Variants in DNM1 observed in about 807,000 individuals in gnomAD.
The protein encoded by DNM1 is dynamin 1.
DNM1 carries 29 observed loss-of-function variants against 104.6 expected under a neutral mutation model. The ratio of observed to expected loss-of-function variants is 0.28; its 90% CI spans 0.21 to 0.38. The LOEUF is 0.38. Among genes scored for constraint, DNM1 ranks in the 10% least tolerant of loss-of-function variants. The pLI is 1.00. For synonymous variants in DNM1, 445 were observed against 475.8 expected (o/e 0.94, Z 0.84); for missense variants, 640 against 1,189.4 (o/e 0.54, Z 6.79).
Position 128,218,886 on chromosome 9 carries a change from C to A in DNM1, c.385+155C>A. 7.7e-7 allele frequency: 1 copy of A among 1,292,932 alleles called. No individual in the cohort carries two copies. Among genetic ancestry groups the A allele is most frequent in the Non-Finnish European group, 1.1e-6 (1 of 949,796 alleles). 80.1% of individuals were successfully genotyped at this position (1,292,932 alleles called of 1,614,324 possible). A position where few individuals can be genotyped will look rare whatever the true frequency, so the allele number is the denominator to read the frequency against. ...CACCCTGCCGTGATTCCGCCCACTT[C>A]CGGCCACGCCTCCAACAGACTGCCA... On this transcript the variant is annotated intron_variant, in intron 3 of 21. Coordinates refer to ENST00000372923, the MANE Select transcript of DNM1 (RefSeq NM_004408.4). The surrounding 1 kb of genome is among the most constrained non-coding windows in gnomAD (Gnocchi z 4.8).
chr9:128,215,520 C>T (rs1203022393), intron 1 of DNM1, among the ~76,000 whole-genome samples: 2 of 152,248 alleles, frequency 1.3e-5, no homozygotes, highest in Non-Finnish European at 2.9e-5. Flanking sequence ...GACCCCCAGA[C>T]ATGGCCCTGC....
chr9:128,224,436 G>A lies in DNM1; in HGVS notation c.1335+47G>A. The A allele has an allele frequency of 6.4e-7, 1 of 1,563,374 alleles. No homozygotes were observed. The highest frequency in any genetic ancestry group is 2.3e-5 in the East Asian group (1 of 43,902). ...GCCCCCACCGCCTCTGCCCCGCCCT[G>A]CACTGCTGCCAGGCGCTCCTTCCCC... On this transcript the variant is annotated intron_variant, in intron 10 of 21. Transcript: ENST00000372923. This position sits in a 1 kb window ranked among gnomAD's most constrained non-coding sequence, Gnocchi z 4.3.
intron 11 of DNM1, among the ~76,000 whole-genome samples, chr9:128,237,266 C>CTTT (rs11298166): frequency 6.8e-6 from 1 of 147,008 alleles, no homozygotes; most frequent in Non-Finnish European, 1.5e-5. Flanking sequence ...TATCCTTGTT[C>CTTT]TTTTTTTTTT....
intron 4 of DNM1, among the ~76,000 whole-genome samples, chr9:128,219,561 C>T (rs1375003682): frequency 6.6e-6 from 1 of 152,208 alleles, no homozygotes; most frequent in South Asian, 2.1e-4. Context: ...CCCAGCTACT[C>T]GTGAGGCTGA....
At chr9:128,213,604 C>T (rs1564324153) in intron 1 of DNM1, among the ~76,000 whole-genome samples, 3 of 152,158 alleles carry the variant, frequency 2.0e-5, no homozygotes, top group African/African-American at 4.8e-5. Context: ...AGCACCTACC[C>T]GGACTCAGGA....
At chr9:128,251,396 A>G (rs1390189023) in intron 21 of DNM1, 2 of 319,120 alleles carry the variant, frequency 6.3e-6, no homozygotes, top group Admixed American at 4.2e-5. Context: ...AGCTACCCTG[A>G]TGTCCCCACT....
Position 128,222,967 on chromosome 9 carries a change from C to A in DNM1, c.1196+107C>A. ...CCTCCCTCAGGAAGGACTGAAAGCT[C>A]TGTTCCCCAGTCCTCTCGACCCCAA... On this transcript the variant is annotated intron_variant, in intron 9 of 21. Coordinates refer to ENST00000372923, the MANE Select transcript of DNM1 (RefSeq NM_004408.4). The surrounding 1 kb of genome is among the most constrained non-coding windows in gnomAD (Gnocchi z 7.8). The A allele has an allele frequency of 1.8e-6, 2 of 1,137,260 alleles. No homozygotes were observed. Among genetic ancestry groups the A allele is most frequent in the East Asian group, 4.7e-5 (2 of 42,554 alleles). 70.4% of individuals were successfully genotyped at this position (1,137,260 alleles called of 1,614,324 possible). A position where few individuals can be genotyped will look rare whatever the true frequency, so the allele number is the denominator to read the frequency against.
At chr9:128,221,358 G>C (rs1835012483) in intron 6 of DNM1, 1 of 152,188 alleles carries the variant, frequency 6.6e-6, no homozygotes, top group Non-Finnish European at 1.5e-5. Context: ...CCAAAGTGCT[G>C]GGATAACAGG....
At chr9:128,249,656 CAAA>C (rs36042863) in intron 19 of DNM1, among the ~76,000 whole-genome samples, 1 of 129,644 alleles carries the variant, frequency 7.7e-6, no homozygotes, top group Non-Finnish European at 1.7e-5. Flanking sequence ...AACTCCGTCT[CAAA>C]AAAAAAAAAA....
Position 128,253,281 on chromosome 9 carries a change from T to C in DNM1, c.2535-1373T>C. ...CTGCAGACTTGCTCTTTCCTCTTTCTGTCCTTGTGCCGCTGGCTCTCTCAC... is the reference window on the plus strand; with the variant it reads ...CTGCAGACTTGCTCTTTCCTCTTTCCGTCCTTGTGCCGCTGGCTCTCTCAC... On this transcript the variant is annotated intron_variant, in intron 21 of 21. Coordinates refer to ENST00000372923, the MANE Select transcript of DNM1 (RefSeq NM_004408.4). This position sits in a 1 kb window ranked among gnomAD's most constrained non-coding sequence, Gnocchi z 5.9. The C allele has an allele frequency of 1.3e-6, 1 of 747,936 alleles. No individual in the cohort carries two copies. The highest frequency in any genetic ancestry group is 2.2e-6 in the Non-Finnish European group (1 of 451,138). The allele number at this position is 747,936 out of a possible 1,614,324, so 46.3% of individuals were successfully genotyped here. A position where few individuals can be genotyped will look rare whatever the true frequency, so the allele number is the denominator to read the frequency against.
At position 128,227,637 on chromosome 9, in the gene DNM1, C is replaced by T. The variant is rs1835427306; in HGVS notation, c.1335+3248C>T. Among the ~76,000 whole-genome samples, 2 of 152,096 alleles carry T rather than the reference C, an allele frequency of 1.3e-5. 1 individual carries two copies. The highest frequency in any genetic ancestry group is 4.1e-4 in the South Asian group (2 of 4,832). ...CCTCAGGTGATCTGCCCACCTTGGCCTCTCAAAGTGCTGGGATTACAGGTG... is the reference window on the plus strand; with the variant it reads ...CCTCAGGTGATCTGCCCACCTTGGCTTCTCAAAGTGCTGGGATTACAGGTG... On this transcript the variant is annotated intron_variant, in intron 10 of 21. Coordinates refer to ENST00000372923, the MANE Select transcript of DNM1 (RefSeq NM_004408.4).
Position 128,224,475 on chromosome 9 carries a change from C to T in DNM1, c.1335+86C>T, listed in dbSNP as rs1199827390. 3.6e-6 allele frequency: 5 copies of T among 1,372,930 alleles called. No homozygotes were observed. The Admixed American group carries it at 9.6e-5, about 26-fold the overall frequency. The allele number at this position is 1,372,930 out of a possible 1,614,324, so 85.0% of individuals were successfully genotyped here. The stretch of plus-strand genomic sequence containing the variant: ...CGCTCCTTCCCCATGTCCCCCCCTG[C>T]CTCCTCGGTAGCATGTACAGACCTC... On this transcript the variant is annotated intron_variant, in intron 10 of 21. Coordinates refer to ENST00000372923, the MANE Select transcript of DNM1 (RefSeq NM_004408.4). This position sits in a 1 kb window ranked among gnomAD's most constrained non-coding sequence, Gnocchi z 4.3.
intron 10 of DNM1, among the ~76,000 whole-genome samples, chr9:128,226,763 G>C (rs993806364): frequency 1.3e-5 from 2 of 152,180 alleles, no homozygotes; most frequent in African/African-American, 4.8e-5. Flanking sequence ...TGACTTTTTA[G>C]ATGCCTTTTT....
chr9:128,234,221 T>C lies in DNM1; in HGVS notation c.1422+114T>C. ...TCTTGTTTTGTCTCTTCTGTCTCAGTCTTCCTCTGTCTCATACTGACTCTC... is the reference window on the plus strand; with the variant it reads ...TCTTGTTTTGTCTCTTCTGTCTCAGCCTTCCTCTGTCTCATACTGACTCTC... On this transcript the variant is annotated intron_variant, in intron 11 of 21. Transcript: ENST00000372923. 6 of 808,958 alleles carry C rather than the reference T, an allele frequency of 7.4e-6. No homozygotes were observed. The South Asian group carries it at 1.1e-4, about 15-fold the overall frequency. 50.1% of individuals were successfully genotyped at this position (808,958 alleles called of 1,614,324 possible). A position where few individuals can be genotyped will look rare whatever the true frequency, so the allele number is the denominator to read the frequency against.
At chr9:128,219,718 T>C (rs1834829545) in intron 4 of DNM1, among the ~76,000 whole-genome samples, 1 of 152,220 alleles carries the variant, frequency 6.6e-6, no homozygotes, top group Non-Finnish European at 1.5e-5. Flanking sequence ...ATCCCAGCAC[T>C]TTGGGAGGCC....
intron 1 of DNM1, among the ~76,000 whole-genome samples, chr9:128,214,614 CGG>C (rs1834495543): frequency 6.6e-6 from 1 of 152,200 alleles, no homozygotes; most frequent in African/African-American, 2.4e-5. Context: ...ACCCCTCTCA[CGG>C]TGACAACTCC....
intron 10 of DNM1, among the ~76,000 whole-genome samples, chr9:128,225,359 G>A (rs3003575): frequency 0.43 from 65,396 of 152,198 alleles, 17,024 homozygotes; most frequent in Admixed American, 0.6. Context: ...AGGGAGGGGC[G>A]GGACTAGAGC....
intron 15 of DNM1, among the ~76,000 whole-genome samples, chr9:128,244,558 AC>A (rs763319637): frequency 5.4e-4 from 51 of 94,754 alleles, no homozygotes; most frequent in Non-Finnish European, 9.2e-4. Flanking sequence ...TTCCTCGGCC[AC>A]CCTTCCCCCA....
intron 1 of DNM1, among the ~76,000 whole-genome samples, chr9:128,217,935 G>T (rs1471661986): frequency 6.6e-6 from 1 of 152,218 alleles, no homozygotes; most frequent in Non-Finnish European, 1.5e-5. Context: ...CCGTGGCTGA[G>T]TTGGGGCAGG....
Sources: allele counts gnomAD v4.1 joint callset (sites outside exome capture counted in the v4.1 genomes callset), GRCh38; gene constraint gnomAD v4.1.1; non-coding constraint Gnocchi (gnomAD v3.1); transcripts MANE v1.5; gene names NCBI Gene and HGNC (gene_info 2026-07-23, HGNC 2026-07-21).